The following CHIC2 variants were observed in gnomAD, a reference collection of about 807,000 sequenced individuals.
CHIC2 encodes the protein cysteine rich hydrophobic domain 2.
A neutral mutation model predicts 25.9 loss-of-function variants in CHIC2; 14 were observed. That is an observed-to-expected ratio of 0.54 (90% CI 0.36 to 0.85). The LOEUF is 0.85. Ranked by LOEUF, CHIC2 falls within the 40% of genes least tolerant of loss-of-function variation. The pLI, the probability that CHIC2 is intolerant of heterozygous loss-of-function variation, is 0.01. For missense variants in CHIC2, 146 were observed against 202.0 expected, an observed-to-expected ratio of 0.72 and a Z score of 1.68; for synonymous variants, 70 against 72.0, an observed-to-expected ratio of 0.97 and a Z score of 0.14.
At chr4:54,083,014 C>CTTTCTTTTTTTTTTT in the CHIC2 span, among the ~76,000 whole-genome samples, 1 of 97,924 alleles carries the variant, frequency 1.0e-5, no homozygotes, top group African/African-American at 4.2e-5. Flanking sequence ...TTTTTTCTTT[C>CTTTCTTTTTTTTTTT]TTTCTTTTTT....
At chr4:54,091,296 G>A in the CHIC2 span, among the ~76,000 whole-genome samples, 5 of 152,272 alleles carry the variant, frequency 3.3e-5, no homozygotes, top group East Asian at 9.7e-4. Context: ...GCGGGTCTGC[G>A]CGGACAGAGG....
At chr4:54,036,510 C>T (rs899940311) in intron 3 of CHIC2, among the ~76,000 whole-genome samples, 6 of 152,024 alleles carry the variant, frequency 3.9e-5, no homozygotes, top group Non-Finnish European at 7.4e-5. Context: ...TTTAAAAAAC[C>T]GGATCTTGAG....
chr4:54,082,459 A>G, the CHIC2 span, among the ~76,000 whole-genome samples: 2 of 152,244 alleles, frequency 1.3e-5, no homozygotes, highest in African/African-American at 4.8e-5. Context: ...TACGGTCTAC[A>G]TGGAAAAGAA....
intron 3 of CHIC2, among the ~76,000 whole-genome samples, chr4:54,030,623 T>G (rs1228291020): frequency 2.0e-5 from 3 of 147,660 alleles, no homozygotes; most frequent in Non-Finnish European, 4.5e-5. Context: ...TATATAAATA[T>G]ATATACACAC....
chr4:54,064,473 C>T lies in CHIC2; in HGVS notation c.-173G>A. On this transcript the variant is annotated 5_prime_UTR_variant, in exon 1 of 6. Transcript: ENST00000263921. This position sits in a 1 kb window ranked among gnomAD's most constrained non-coding sequence, Gnocchi z 4.2. The stretch of plus-strand genomic sequence containing the variant: ...GGCTACAGAGGGGATGGGGTCTGGA[C>T]CGTCGCCGCCACCGCCGCCGCCATT... The T allele has an allele frequency of 6.9e-7, 1 of 1,454,396 alleles. No individual in the cohort carries two copies. The highest frequency in any genetic ancestry group is 9.0e-7 in the Non-Finnish European group (1 of 1,111,672). 90.1% of individuals were successfully genotyped at this position (1,454,396 alleles called of 1,614,324 possible).
chr4:54,046,139 G>A (rs13133426), intron 3 of CHIC2, among the ~76,000 whole-genome samples: 1 of 150,198 alleles, frequency 6.7e-6, no homozygotes, highest in Non-Finnish European at 1.5e-5. Context: ...CACTGCTCAA[G>A]GAAATAAAAA....
intron 1 of CHIC2, among the ~76,000 whole-genome samples, chr4:54,057,622 G>A (rs1349349633): frequency 6.6e-6 from 1 of 152,100 alleles, no homozygotes; most frequent in Non-Finnish European, 1.5e-5. Flanking sequence ...AACTCCATGA[G>A]GGCAGAAACT....
intron 3 of CHIC2, among the ~76,000 whole-genome samples, chr4:54,041,663 AT>A (rs1404231033): frequency 1.3e-5 from 2 of 152,298 alleles, no homozygotes; most frequent in African/African-American, 4.8e-5. Flanking sequence ...TGATAACTAT[AT>A]TTTATATAAT....
the CHIC2 span, among the ~76,000 whole-genome samples, chr4:54,079,854 C>T: frequency 2.0e-5 from 3 of 151,822 alleles, no homozygotes; most frequent in African/African-American, 7.3e-5. Context: ...AGATGAGTGT[C>T]TGCAAGGGTA....
chr4:54,047,457 T>C (rs1396441942), intron 3 of CHIC2, among the ~76,000 whole-genome samples: 1 of 151,988 alleles, frequency 6.6e-6, no homozygotes, highest in Non-Finnish European at 1.5e-5. Flanking sequence ...CACCATGGAA[T>C]ACTATGCAGC....
intron 3 of CHIC2, among the ~76,000 whole-genome samples, chr4:54,042,903 T>C (rs886094366): frequency 6.6e-6 from 1 of 152,256 alleles, no homozygotes; most frequent in Admixed American, 6.5e-5. Context: ...ATATATCTTT[T>C]ATTTTATAAC....
At chr4:54,082,450 A>G in the CHIC2 span, among the ~76,000 whole-genome samples, 7 of 152,132 alleles carry the variant, frequency 4.6e-5, no homozygotes, top group African/African-American at 1.7e-4. Flanking sequence ...GAAAACATCT[A>G]CGGTCTACAT....
the CHIC2 span, among the ~76,000 whole-genome samples, chr4:54,075,767 T>C: frequency 6.6e-6 from 1 of 152,148 alleles, no homozygotes; most frequent in Admixed American, 6.5e-5. Flanking sequence ...TTGGCCAGGC[T>C]GGCCTTGAAC....
At chr4:54,032,497 A>G (rs1195273829) in intron 3 of CHIC2, among the ~76,000 whole-genome samples, 1 of 151,968 alleles carries the variant, frequency 6.6e-6, no homozygotes, top group African/African-American at 2.4e-5. Context: ...CCAGCTCCTA[A>G]CCGCGAGTGA....
chr4:54,041,156 G>C (rs1577976392), intron 3 of CHIC2, among the ~76,000 whole-genome samples: 1 of 151,544 alleles, frequency 6.6e-6, no homozygotes, highest in East Asian at 2.0e-4. Context: ...CCTCGTGAGG[G>C]GATGGATTTT....
chr4:54,078,311 G>GTCCAGTCAGATTTAA, the CHIC2 span, among the ~76,000 whole-genome samples: 1 of 152,158 alleles, frequency 6.6e-6, no homozygotes, highest in Non-Finnish European at 1.5e-5. Flanking sequence ...GAACAGAGCA[G>GTCCAGTCAGATTTAA]TCCAGTCAGA....
At chr4:54,057,288 A>T (rs1009996138) in intron 1 of CHIC2, among the ~76,000 whole-genome samples, 2 of 152,062 alleles carry the variant, frequency 1.3e-5, no homozygotes, top group African/African-American at 4.8e-5. Flanking sequence ...AACCTTCTAA[A>T]TTTCATTCTA....
chr4:54,025,030 T>C lies in CHIC2; in HGVS notation c.331-10911A>G, dbSNP rs984759911. On this transcript the variant is annotated intron_variant, in intron 3 of 5. Transcript: ENST00000263921. ...AGAAACATCGTCCATTATGTCTCCA[T>C]ACCACCCGCCCCCCCAAAATTTTTG... Among the ~76,000 whole-genome samples the C allele has an allele frequency of 3.9e-5, 6 of 152,170 alleles. No homozygotes were observed. The East Asian group carries it at 9.7e-4, about 25-fold the overall frequency.
At chr4:54,047,377 T>G (rs1463517026) in intron 3 of CHIC2, among the ~76,000 whole-genome samples, 1 of 151,980 alleles carries the variant, frequency 6.6e-6, no homozygotes, top group Non-Finnish European at 1.5e-5. Context: ...CTATTCACAA[T>G]AGCAAAGACT....
Sources: gnomAD v4.1 joint callset for allele counts (sites outside exome capture counted in the v4.1 genomes callset) on GRCh38, gnomAD v4.1.1 for gene constraint, Gnocchi (gnomAD v3.1) non-coding constraint, MANE v1.5 for transcripts, NCBI Gene and HGNC (gene_info 2026-07-23, HGNC 2026-07-21) for gene names.